The following ZSCAN4 variants were observed in gnomAD, a reference collection of about 807,000 sequenced individuals.
ZSCAN4 encodes zinc finger and SCAN domain-containing protein 4.
In ZSCAN4, 18 loss-of-function variants were observed where a neutral mutation model predicts 18.3. The ratio of observed to expected loss-of-function variants is 0.98; its 90% CI spans 0.68 to 1.46. ZSCAN4 has a LOEUF of 1.46. Ranked by LOEUF, ZSCAN4 falls within the 40% of genes most tolerant of loss-of-function variation. ZSCAN4 has a pLI of 0.00. For missense variants in ZSCAN4, 498 were observed against 511.4 expected (o/e 0.97, Z 0.25); for synonymous variants, 193 against 180.3 (o/e 1.07, Z -0.57).
intron 3 of ZSCAN4, among the ~76,000 whole-genome samples, chr19:57,676,883 A>T (rs1354556980): frequency 2.6e-5 from 4 of 152,200 alleles, no homozygotes. Context: ...GGCACAAGTC[A>T]TTCTCGTGGC....
At chr19:57,667,494 T>C (rs1344725103), upstream of ZSCAN4, among the ~76,000 whole-genome samples, 2 of 152,206 alleles carry the variant, frequency 1.3e-5, no homozygotes, top group African/African-American at 4.8e-5. Flanking sequence ...TAGGATCTAC[T>C]TTACAGGACT....
intron 2 of ZSCAN4, among the ~76,000 whole-genome samples, chr19:57,675,212 A>G (rs1984146457): frequency 6.8e-6 from 1 of 146,664 alleles, no homozygotes; most frequent in African/African-American, 2.6e-5. Flanking sequence ...CAGTGGCGCA[A>G]TCTTGACTCA....
chr19:57,667,908 T>C (rs1364735677), upstream of ZSCAN4, among the ~76,000 whole-genome samples: 1 of 151,928 alleles, frequency 6.6e-6, no homozygotes, highest in Non-Finnish European at 1.5e-5. Context: ...GTTTGTTTGT[T>C]TGTTTGTTTT....
chr19:57,666,855 A>G (rs1396407546), upstream of ZSCAN4, among the ~76,000 whole-genome samples: 1 of 152,214 alleles, frequency 6.6e-6, no homozygotes, highest in Non-Finnish European at 1.5e-5. Flanking sequence ...TGTCTCGAAA[A>G]AAATAGAAAG....
At chr19:57,677,621 A>C (rs1265301535) in intron 3 of ZSCAN4, among the ~76,000 whole-genome samples, 1 of 152,222 alleles carries the variant, frequency 6.6e-6, no homozygotes, top group Non-Finnish European at 1.5e-5. Flanking sequence ...CACATAAAAC[A>C]AACTCATGTA....
At chr19:57,659,410 A>T in the ZSCAN4 span, among the ~76,000 whole-genome samples, 1 of 152,092 alleles carries the variant, frequency 6.6e-6, no homozygotes, top group Non-Finnish European at 1.5e-5. Context: ...TTTGAGGGGC[A>T]GAGCCTTGCT....
chr19:57,678,383 A>G, exon 5 of ZSCAN4: 1 of 1,614,174 alleles, frequency 6.2e-7, no homozygotes, highest in East Asian at 2.2e-5. Flanking sequence ...CCATAAATGG[A>G]ATCACTTTCC....
the ZSCAN4 span, among the ~76,000 whole-genome samples, chr19:57,657,219 G>T: frequency 1.7e-4 from 26 of 150,380 alleles, no homozygotes; most frequent in Non-Finnish European, 3.1e-4. Context: ...TCGCGCCACT[G>T]TACTCCAGCC....
At chr19:57,679,083 T>C (rs1984284789) in exon 5 of ZSCAN4, 1 of 609,664 alleles carries the variant, frequency 1.6e-6, no homozygotes, top group Admixed American at 4.0e-5. Context: ...ACTAAAGTAT[T>C]CCAAGTGGTT....
the ZSCAN4 span, among the ~76,000 whole-genome samples, chr19:57,663,231 G>C: frequency 6.7e-6 from 1 of 149,428 alleles, no homozygotes; most frequent in Admixed American, 6.7e-5. Flanking sequence ...AATCCCACAT[G>C]TTATTTAAAG....
chr19:57,668,739 A>C (rs752199010), upstream of ZSCAN4, among the ~76,000 whole-genome samples: 1 of 152,158 alleles, frequency 6.6e-6, no homozygotes, highest in Non-Finnish European at 1.5e-5. Context: ...GCCTCATGTT[A>C]AGTCTATCAA....
chr19:57,669,708 G>T (rs1246239134), intron 1 of ZSCAN4, among the ~76,000 whole-genome samples: 1 of 146,838 alleles, frequency 6.8e-6, no homozygotes, highest in Admixed American at 6.8e-5. Context: ...TACAGGCATG[G>T]TTTTTTTTTT....
At chr19:57,672,240 T>C (rs1984045746) in intron 2 of ZSCAN4, among the ~76,000 whole-genome samples, 1 of 152,114 alleles carries the variant, frequency 6.6e-6, no homozygotes, top group African/African-American at 2.4e-5. Context: ...AGTAAAGTTC[T>C]AAGGAATGGT....
intron 3 of ZSCAN4, among the ~76,000 whole-genome samples, chr19:57,677,652 A>T (rs1984227113): frequency 6.6e-6 from 1 of 152,210 alleles, no homozygotes; most frequent in African/African-American, 2.4e-5. Context: ...GACAAAAATA[A>T]TGTAGCCAGA....
the ZSCAN4 span, among the ~76,000 whole-genome samples, chr19:57,660,302 A>G: frequency 1.3e-5 from 2 of 152,242 alleles, no homozygotes; most frequent in Non-Finnish European, 2.9e-5. Flanking sequence ...CATCCTGTCT[A>G]TATGCCACAG....
exon 3 of ZSCAN4, chr19:57,676,258 G>A (rs1984182165): frequency 6.2e-7 from 1 of 1,614,104 alleles, no homozygotes. Context: ...AGAGAAGAAG[G>A]GATTTCTGAG....
chr19:57,670,118 G>T (rs1983973534), intron 1 of ZSCAN4, 127 bp from the exon 2 acceptor site: 1 of 152,270 alleles, frequency 6.6e-6, no homozygotes, highest in African/African-American at 2.4e-5. Context: ...GGCCAGGCTG[G>T]TCTTGAACTC....
chr19:57,662,999 C>T, the ZSCAN4 span, among the ~76,000 whole-genome samples: 2 of 151,974 alleles, frequency 1.3e-5, no homozygotes, highest in Non-Finnish European at 2.9e-5. Context: ...CCTCCTGCCT[C>T]AGCCCCTTTT....
chr19:57,657,588 T>C, the ZSCAN4 span, among the ~76,000 whole-genome samples: 1 of 152,318 alleles, frequency 6.6e-6, no homozygotes, highest in Non-Finnish European at 1.5e-5. Context: ...TGTCCACTTA[T>C]CATTTGATAA....
Sources: allele counts gnomAD v4.1 joint callset (sites outside exome capture counted in the v4.1 genomes callset), GRCh38; gene constraint gnomAD v4.1.1; transcripts MANE v1.5; gene names NCBI Gene and HGNC (gene_info 2026-07-23, HGNC 2026-07-21).